Variants in ADAMTSL1 observed in about 807,000 individuals in gnomAD.
ADAMTSL1 encodes ADAMTS-like protein 1.
ADAMTSL1 carries 126 observed loss-of-function variants against 201.8 expected under a neutral mutation model. That is an observed-to-expected ratio of 0.62 (90% confidence interval 0.54 to 0.72). The LOEUF (loss-of-function observed/expected upper bound fraction) is 0.72, where lower values mean the gene tolerates loss of function less well. ADAMTSL1 is among the 30% of genes least tolerant of loss of function. The probability of loss-of-function intolerance (pLI) is 0.00; values close to 1 mark genes in which losing one functional copy is unlikely to be tolerated. For synonymous variants in ADAMTSL1, 1,121 were observed against 903.4 expected (o/e 1.24, Z -4.32); for missense variants, 2,679 against 2,277.8 (o/e 1.18, Z -3.59).
chr9:18,193,644 A>G (rs1487499434), intron 2 of ADAMTSL1, among the ~76,000 whole-genome samples: 2 of 152,144 alleles, frequency 1.3e-5, no homozygotes, highest in African/African-American at 4.8e-5. Context: ...TGGAAGGAAA[A>G]ATAGAACTAC....
At chr9:18,083,166 G>C (rs1249372930) in intron 1 of ADAMTSL1, among the ~76,000 whole-genome samples, 2 of 152,122 alleles carry the variant, frequency 1.3e-5, no homozygotes, top group Non-Finnish European at 2.9e-5. Context: ...CTTTAAGTTT[G>C]GCTACTATTG....
In ADAMTSL1 at chr9:18,212,770, C is replaced by T. The variant is rs183407968; in HGVS notation, c.207+48789C>T. On this transcript the variant is annotated intron_variant, in intron 2 of 29. Transcript: ENST00000680146. The stretch of plus-strand genomic sequence containing the variant: ...GAAGACAACTTCTAGCTCTAGGGTG[C>T]CTTTTGCCTTTTTGGTGTGGACGAT... Among the ~76,000 whole-genome samples the T allele has an allele frequency of 3.2e-4, 48 of 152,172 alleles. 1 individual carries two copies. The highest frequency in any genetic ancestry group is 1.4e-3 in the Admixed American group (21 of 15,268).
At chr9:18,671,911 C>G (rs948539984) in intron 9 of ADAMTSL1, among the ~76,000 whole-genome samples, 4 of 152,054 alleles carry the variant, frequency 2.6e-5, no homozygotes, top group South Asian at 2.1e-4. Flanking sequence ...GCGGCGGGCG[C>G]CTGTAGTCCC....
chr9:18,596,110 G>T (rs1260600812), intron 4 of ADAMTSL1, among the ~76,000 whole-genome samples: 2 of 152,198 alleles, frequency 1.3e-5, no homozygotes, highest in African/African-American at 4.8e-5. Context: ...AAATTTTGTA[G>T]TTTAATATTT....
intron 20 of ADAMTSL1, among the ~76,000 whole-genome samples, chr9:18,803,864 C>T (rs188191229): frequency 6.6e-6 from 1 of 152,082 alleles, no homozygotes; most frequent in Admixed American, 6.5e-5. Context: ...GAGTGTTATT[C>T]AAAGGGTAAT....
At chr9:17,966,454 C>T (rs566233919) in intron 1 of ADAMTSL1, among the ~76,000 whole-genome samples, 1 of 152,280 alleles carries the variant, frequency 6.6e-6, no homozygotes, top group Non-Finnish European at 1.5e-5. Context: ...GCATTCCGAT[C>T]ACAGACCCTC....
intron 2 of ADAMTSL1, among the ~76,000 whole-genome samples, chr9:18,200,402 A>T (rs1829390435): frequency 1.3e-5 from 2 of 152,098 alleles, no homozygotes; most frequent in African/African-American, 4.8e-5. Flanking sequence ...TTCCATTGGA[A>T]ATACCAAAGG....
intron 13 of ADAMTSL1, among the ~76,000 whole-genome samples, chr9:18,689,633 A>G (rs1188909013): frequency 6.6e-6 from 1 of 152,232 alleles, no homozygotes; most frequent in Non-Finnish European, 1.5e-5. Flanking sequence ...CCAGTGCGGC[A>G]CTTAGGGAAG....
chr9:18,715,703 C>A (rs1423348666), intron 14 of ADAMTSL1, among the ~76,000 whole-genome samples: 2 of 151,986 alleles, frequency 1.3e-5, no homozygotes, highest in African/African-American at 4.8e-5. Context: ...ATCAAGCTAC[C>A]AATGACTTTC....
At chr9:18,283,394 C>A (rs950601818) in intron 2 of ADAMTSL1, among the ~76,000 whole-genome samples, 1 of 151,820 alleles carries the variant, frequency 6.6e-6, no homozygotes, top group African/African-American at 2.4e-5. Context: ...CACTTAAGCC[C>A]AGAACTTTGA....
chr9:18,136,817 T>C (rs920781647), intron 1 of ADAMTSL1, among the ~76,000 whole-genome samples: 4 of 152,200 alleles, frequency 2.6e-5, no homozygotes, highest in Middle Eastern at 3.4e-3. Context: ...CCAGCAACCA[T>C]TGGCATATTT....
intron 1 of ADAMTSL1, among the ~76,000 whole-genome samples, chr9:18,501,527 A>T (rs1226151651): frequency 1.3e-5 from 2 of 151,096 alleles, no homozygotes; most frequent in Non-Finnish European, 2.9e-5. Context: ...AAAAAAAAGT[A>T]AAAGAGAAGA....
chr9:17,918,637 G>A (rs542907422), intron 1 of ADAMTSL1, among the ~76,000 whole-genome samples: 233 of 150,882 alleles, frequency 1.5e-3, no homozygotes, highest in African/African-American at 5.2e-3. Flanking sequence ...TTTTTTTCCC[G>A]ATCAGTTTTG....
At chr9:18,425,921 T>G (rs1819197821) in intron 2 of ADAMTSL1, among the ~76,000 whole-genome samples, 1 of 151,558 alleles carries the variant, frequency 6.6e-6, no homozygotes, top group Non-Finnish European at 1.5e-5. Context: ...GATGTTCTTT[T>G]GGAAGGTAAA....
chr9:18,676,200 C>T (rs1830120040), intron 10 of ADAMTSL1, among the ~76,000 whole-genome samples: 1 of 151,944 alleles, frequency 6.6e-6, no homozygotes, highest in Non-Finnish European at 1.5e-5. Flanking sequence ...TCTTTCTTTC[C>T]CTCCCTTTGT....
At chr9:18,692,244 C>T (rs1190844323) in intron 13 of ADAMTSL1, among the ~76,000 whole-genome samples, 1 of 152,114 alleles carries the variant, frequency 6.6e-6, no homozygotes, top group African/African-American at 2.4e-5. Flanking sequence ...AAGAAAAGTT[C>T]AGAAGCTGCC....
chr9:18,150,549 C>T (rs1826863288), intron 1 of ADAMTSL1, among the ~76,000 whole-genome samples: 1 of 151,986 alleles, frequency 6.6e-6, no homozygotes, highest in Non-Finnish European at 1.5e-5. Flanking sequence ...TTTCTAGAAA[C>T]ATGGCTGTGA....
intron 3 of ADAMTSL1, among the ~76,000 whole-genome samples, chr9:18,565,459 A>C (rs1013312877): frequency 6.6e-6 from 1 of 152,150 alleles, no homozygotes; most frequent in Non-Finnish European, 1.5e-5. Flanking sequence ...GAAAAGTAAA[A>C]GAAATCTGTA....
chr9:18,680,362 T>A lies in ADAMTSL1; in HGVS notation c.1187T>A (p.Ile396Asn), dbSNP rs773771225. ...TGCTCCTCCTCGTGTGGGGGGGGCATCCAGAGCCGGGCAGTTTCCTGTGTG... is the reference window on the plus strand; with the variant it reads ...TGCTCCTCCTCGTGTGGGGGGGGCAACCAGAGCCGGGCAGTTTCCTGTGTG... ...TACSSSCGGGIQSRAVSCVEE... is the reference protein window; with the variant it reads ...TACSSSCGGGNQSRAVSCVEE... Residue 396 changes from isoleucine (I) to asparagine (N), a missense_variant, in exon 11 of 29, where the codon ATC becomes AAC. By Grantham distance (149) the Ile-to-Asn change is moderately radical. Transcript: ENST00000380548. 4 of 1,614,008 alleles carry A rather than the reference T, an allele frequency of 2.5e-6. No individual in the cohort carries two copies. In the Admixed American group the frequency reaches 6.7e-5, roughly 27 times the overall value.
Sources: gnomAD v4.1 joint callset for allele counts (sites outside exome capture counted in the v4.1 genomes callset) on GRCh38, gnomAD v4.1.1 for gene constraint, MANE v1.5 for transcripts, NCBI Gene and HGNC (gene_info 2026-07-23, HGNC 2026-07-21) for gene names.